CNTN3: variants seen among roughly 807,000 people sequenced by gnomAD.
CNTN3 encodes the protein contactin-3.
A neutral mutation model predicts 119.1 loss-of-function variants in CNTN3; 60 were observed. The ratio of observed to expected loss-of-function variants is 0.50; its 90% CI spans 0.41 to 0.62. CNTN3 has a LOEUF of 0.62. Ranked by LOEUF, CNTN3 falls within the 20% of genes least tolerant of loss-of-function variation. CNTN3 has a pLI of 0.00. For missense variants in CNTN3, 1,101 were observed against 1,242.4 expected (o/e 0.89, Z 1.71); for synonymous variants, 450 against 438.7 (o/e 1.03, Z -0.32).
Position 74,553,961 on chromosome 3 carries a change from C to T in CNTN3, c.-80-32769G>A, listed in dbSNP as rs183919549. ...TCAATTTTGGCTTTTGTTGCCATTG[C>T]TTTTGGTGTTTTAGATATGAAGCTG... is the stretch of plus-strand genomic sequence containing the variant. On this transcript the variant is annotated intron_variant, in intron 1 of 22. Transcript: ENST00000263665. Among the ~76,000 whole-genome samples, 208 of 152,228 alleles carry T rather than the reference C, an allele frequency of 1.4e-3. 1 individual carries two copies. In the Middle Eastern group the frequency reaches 0.044, roughly 32 times the overall value.
chr3:74,557,403 T>C (rs866700784), intron 1 of CNTN3, among the ~76,000 whole-genome samples: 15 of 152,108 alleles, frequency 9.9e-5, no homozygotes, highest in Admixed American at 2.6e-4. Context: ...GATTGAAACA[T>C]CCACTTGTAG....
At chr3:74,272,214 T>C (rs1478086491) in intron 20 of CNTN3, among the ~76,000 whole-genome samples, 1 of 152,168 alleles carries the variant, frequency 6.6e-6, no homozygotes, top group Admixed American at 6.6e-5. Context: ...TCATAATGTT[T>C]TAAGAAAGTT....
chr3:74,371,857 G>A (rs6784603), intron 5 of CNTN3, among the ~76,000 whole-genome samples: 5,908 of 152,048 alleles, frequency 0.039, 374 homozygotes, highest in African/African-American at 0.13. Context: ...CCTTAGCCTC[G>A]GAGAAGCCCC....
intron 1 of CNTN3, among the ~76,000 whole-genome samples, chr3:74,544,605 A>G (rs1703887601): frequency 6.6e-6 from 1 of 151,450 alleles, no homozygotes; most frequent in Non-Finnish European, 1.5e-5. Flanking sequence ...TGGTGGGGGG[A>G]AAGCAGTGCG....
intron 13 of CNTN3, among the ~76,000 whole-genome samples, chr3:74,308,652 T>C (rs1255871822): frequency 6.6e-6 from 1 of 152,170 alleles, no homozygotes; most frequent in Non-Finnish European, 1.5e-5. Context: ...TGTGTTGATT[T>C]TGATGGAGTA....
chr3:74,410,578 A>G (rs1412292059), intron 5 of CNTN3, among the ~76,000 whole-genome samples: 2 of 152,190 alleles, frequency 1.3e-5, no homozygotes, highest in Admixed American at 1.3e-4. Flanking sequence ...TTAAGTCTAC[A>G]TGTATCACCA....
At chr3:74,415,299 T>C (rs1219228392) in intron 5 of CNTN3, among the ~76,000 whole-genome samples, 1 of 152,102 alleles carries the variant, frequency 6.6e-6, no homozygotes, top group Non-Finnish European at 1.5e-5. Context: ...TTTCTGAAGC[T>C]TGGGGGAAAT....
intron 5 of CNTN3, among the ~76,000 whole-genome samples, chr3:74,405,641 C>A (rs1184838552): frequency 6.6e-6 from 1 of 151,990 alleles, no homozygotes. Context: ...AATGAGATTT[C>A]ATATTCACAA....
chr3:74,335,702 A>G (rs796893853), intron 12 of CNTN3, among the ~76,000 whole-genome samples: 3 of 152,236 alleles, frequency 2.0e-5, no homozygotes, highest in African/African-American at 7.2e-5. Flanking sequence ...ATCAAAAGGT[A>G]TTTAACATCA....
chr3:74,609,033 G>A (rs1388817466), intron 1 of CNTN3, among the ~76,000 whole-genome samples: 3 of 152,140 alleles, frequency 2.0e-5, no homozygotes, highest in Non-Finnish European at 4.4e-5. Flanking sequence ...ACAAAGAATT[G>A]AGGGTGGAAA....
At chr3:74,288,154 C>CTTTTTTTTTTTTTTTT (rs1299127961) in intron 19 of CNTN3, among the ~76,000 whole-genome samples, 2 of 88,262 alleles carry the variant, frequency 2.3e-5, no homozygotes, top group Admixed American at 1.3e-4. Flanking sequence ...CTTTTCTTTT[C>CTTTTTTTTTTTTTTTT]TTTTCTTTTT....
At chr3:74,565,775 G>C (rs982789759) in intron 1 of CNTN3, among the ~76,000 whole-genome samples, 1 of 152,106 alleles carries the variant, frequency 6.6e-6, no homozygotes, top group African/African-American at 2.4e-5. Context: ...AGAAAAATAG[G>C]AAGAATGAAA....
chr3:74,352,082 G>A (rs957766944), intron 11 of CNTN3, among the ~76,000 whole-genome samples: 1 of 152,086 alleles, frequency 6.6e-6, no homozygotes, highest in Non-Finnish European at 1.5e-5. Context: ...AAGACAAATG[G>A]TTTTCTATCT....
chr3:74,366,780 GTATATATATATATA>G (rs59223804), intron 8 of CNTN3, among the ~76,000 whole-genome samples: 3 of 63,704 alleles, frequency 4.7e-5, no homozygotes, highest in South Asian at 8.7e-4. Context: ...GTGTGTGTGT[GTATATATATATATA>G]TATATATATA....
At position 74,391,798 on chromosome 3, in the gene CNTN3, C is replaced by T. The variant is rs151012105; in HGVS notation, c.455-20399G>A. ...TTAGCCTCTGGAGTAGCTGGGACTA[C>T]GTTCGCGTGCCACCACGCCCGGCTA... On this transcript the variant is annotated intron_variant, in intron 5 of 22. Coordinates refer to ENST00000263665, the MANE Select transcript of CNTN3 (RefSeq NM_020872.3). Among the ~76,000 whole-genome samples, 554 of 152,114 alleles carry T rather than the reference C, an allele frequency of 3.6e-3. 1 individual carries two copies. Among genetic ancestry groups the T allele is most frequent in the African/African-American group, 0.012 (502 of 41,512 alleles).
At chr3:74,293,828 A>T (rs1247015638) in intron 19 of CNTN3, among the ~76,000 whole-genome samples, 7 of 152,128 alleles carry the variant, frequency 4.6e-5, no homozygotes, top group Non-Finnish European at 8.8e-5. Context: ...TTCTTTAGGG[A>T]TGCATGACAG....
At chr3:74,427,927 T>A (rs1489834400) in intron 4 of CNTN3, among the ~76,000 whole-genome samples, 1 of 152,140 alleles carries the variant, frequency 6.6e-6, no homozygotes, top group African/African-American at 2.4e-5. Flanking sequence ...ACTATGTACA[T>A]GGATTGTTAG....
At chr3:74,307,095 G>A (rs1042160520) in intron 13 of CNTN3, among the ~76,000 whole-genome samples, 13 of 152,122 alleles carry the variant, frequency 8.5e-5, no homozygotes, top group African/African-American at 2.9e-4. Context: ...CTACACTAGG[G>A]TACTTAGGCA....
intron 1 of CNTN3, among the ~76,000 whole-genome samples, chr3:74,601,301 A>G (rs1704907179): frequency 6.6e-6 from 1 of 152,062 alleles, no homozygotes; most frequent in Non-Finnish European, 1.5e-5. Context: ...AGAAACTATC[A>G]AGTGGCAGAC....
Sources: allele counts gnomAD v4.1 joint callset (sites outside exome capture counted in the v4.1 genomes callset), GRCh38; gene constraint gnomAD v4.1.1; transcripts MANE v1.5; gene names NCBI Gene and HGNC (gene_info 2026-07-23, HGNC 2026-07-21).